PARD3B: variants seen among roughly 807,000 people sequenced by gnomAD.
The protein encoded by PARD3B is partitioning defective 3 homolog B.
In PARD3B, 103 loss-of-function variants were observed where a neutral mutation model predicts 130.2. The ratio of observed to expected loss-of-function variants is 0.79; its 90% CI spans 0.67 to 0.93. The LOEUF is 0.93. Ranked by LOEUF, PARD3B falls within the 40% of genes least tolerant of loss-of-function variation. PARD3B has a pLI of 0.00. For missense variants in PARD3B, 1,609 were observed against 1,499.2 expected (o/e 1.07, Z -1.21); for synonymous variants, 583 against 553.2 (o/e 1.05, Z -0.76).
intron 2 of PARD3B, among the ~76,000 whole-genome samples, chr2:204,766,995 T>TTTTTTTTA (rs1378268218): frequency 3.6e-5 from 5 of 137,378 alleles, no homozygotes; most frequent in African/African-American, 1.4e-4. Flanking sequence ...TTTTTTATTT[T>TTTTTTTTA]ATTTTTTTAT....
At chr2:204,718,275 C>G (rs1416426298) in intron 2 of PARD3B, among the ~76,000 whole-genome samples, 1 of 151,926 alleles carries the variant, frequency 6.6e-6, no homozygotes, top group Non-Finnish European at 1.5e-5. Flanking sequence ...CTGCATTAGT[C>G]TGTTCTCACA....
At chr2:205,066,559 G>A (rs1317790249) in intron 4 of PARD3B, among the ~76,000 whole-genome samples, 1 of 152,124 alleles carries the variant, frequency 6.6e-6, no homozygotes, top group African/African-American at 2.4e-5. Context: ...GTGTGGTCTT[G>A]GAGAAGTTAC....
intron 1 of PARD3B, among the ~76,000 whole-genome samples, chr2:204,563,217 G>GTCTGTCTGTCTC (rs1553541986): frequency 1.2e-5 from 1 of 86,598 alleles, no homozygotes; most frequent in African/African-American, 4.5e-5. Flanking sequence ...TCTTCCCGCT[G>GTCTGTCTGTCTC]TCTCTCTCTC....
At position 205,301,760 on chromosome 2, in the gene PARD3B, C is replaced by T. The variant is rs1218890554; in HGVS notation, c.2630+59C>T. The T allele has an allele frequency of 1.9e-6, 3 of 1,613,868 alleles. No homozygotes were observed. Among genetic ancestry groups the T allele is most frequent in the Non-Finnish European group, 1.7e-6 (2 of 1,179,864 alleles). On this transcript the variant is annotated intron_variant, in intron 18 of 22. Coordinates refer to ENST00000406610, the MANE Select transcript of PARD3B (RefSeq NM_001302769.2). This position sits in a 1 kb window ranked among gnomAD's most constrained non-coding sequence, Gnocchi z 5.2. ...CATTTTGTCTCTCCTGGTAAAATCACTCCTTTGTCTGTACTCAGAAAAAAG... is the reference window on the plus strand; with the variant it reads ...CATTTTGTCTCTCCTGGTAAAATCATTCCTTTGTCTGTACTCAGAAAAAAG...
At chr2:205,496,729 A>G (rs2049939356) in intron 20 of PARD3B, among the ~76,000 whole-genome samples, 1 of 152,140 alleles carries the variant, frequency 6.6e-6, no homozygotes, top group South Asian at 2.1e-4. Flanking sequence ...ATGGAAGAAT[A>G]GTTTACAGTC....
At chr2:204,746,857 T>A (rs539262632) in intron 2 of PARD3B, among the ~76,000 whole-genome samples, 7 of 152,268 alleles carry the variant, frequency 4.6e-5, no homozygotes, top group South Asian at 2.1e-4. Context: ...GTTTGAGTTC[T>A]TTGTAGATTC....
chr2:205,166,662 G>GA (rs1458625450), intron 11 of PARD3B, among the ~76,000 whole-genome samples: 2 of 151,836 alleles, frequency 1.3e-5, no homozygotes, highest in African/African-American at 4.8e-5. Context: ...TTTTTGGGGG[G>GA]TTTGATTTGT....
chr2:204,943,971 A>ACAT lies in PARD3B; in HGVS notation c.223-21178_223-21176dup. Among the ~76,000 whole-genome samples, 1 of 152,360 alleles carries ACAT rather than the reference A, an allele frequency of 6.6e-6. No homozygotes were observed. Among genetic ancestry groups the ACAT allele is most frequent in the East Asian group, 1.9e-4 (1 of 5,188 alleles). ...AAAAGGGGACTAAACATTCAAAATT[A>ACAT]CATCACCTCAGGGAAACTAAGTTAA... On this transcript the variant is annotated intron_variant, in intron 2 of 22. Transcript: ENST00000406610. The surrounding 1 kb of genome is among the most constrained non-coding windows in gnomAD (Gnocchi z 4.2).
chr2:205,520,657 G>A (rs903533961), intron 21 of PARD3B, among the ~76,000 whole-genome samples: 1 of 151,968 alleles, frequency 6.6e-6, no homozygotes, highest in African/African-American at 2.4e-5. Context: ...AATGAACACT[G>A]TTTATGCTTT....
At chr2:205,249,372 G>A (rs562215215) in intron 16 of PARD3B, among the ~76,000 whole-genome samples, 2 of 152,094 alleles carry the variant, frequency 1.3e-5, no homozygotes, top group South Asian at 2.1e-4. Context: ...ATTCATCTGA[G>A]TTAAAATTTC....
At chr2:204,591,043 AAGCACAGGTTG>A (rs1176352758) in intron 1 of PARD3B, among the ~76,000 whole-genome samples, 1 of 152,210 alleles carries the variant, frequency 6.6e-6, no homozygotes, top group Non-Finnish European at 1.5e-5. Flanking sequence ...TTTTAATAAT[AAGCACAGGTTG>A]ATTGCCTACT....
At chr2:204,716,956 T>C (rs1476060418) in intron 2 of PARD3B, among the ~76,000 whole-genome samples, 1 of 152,158 alleles carries the variant, frequency 6.6e-6, no homozygotes, top group Non-Finnish European at 1.5e-5. Context: ...AATAACGTGC[T>C]GTGGAAGAAG....
At chr2:204,703,513 T>C (rs964542049) in intron 2 of PARD3B, among the ~76,000 whole-genome samples, 1 of 152,208 alleles carries the variant, frequency 6.6e-6, no homozygotes, top group South Asian at 2.1e-4. Context: ...TTTTATGAAA[T>C]GTTTTAATTT....
chr2:204,957,875 C>G (rs761219589), intron 2 of PARD3B, among the ~76,000 whole-genome samples: 1 of 152,044 alleles, frequency 6.6e-6, no homozygotes, highest in Non-Finnish European at 1.5e-5. Context: ...AGATTTGAGA[C>G]AAACGATTCC....
In PARD3B at chr2:204,883,454, TA is replaced by T. The variant is rs1276586996; in HGVS notation, c.223-81697del. On this transcript the variant is annotated intron_variant, in intron 2 of 22. Coordinates refer to ENST00000406610, the MANE Select transcript of PARD3B (RefSeq NM_001302769.2). ...TATAAAATATATATATATATATATA[TA>T]TTTTTTTTTTTGAGACAGAGTCTCA... Among the ~76,000 whole-genome samples, 828 of 99,386 alleles carry T rather than the reference TA, an allele frequency of 8.3e-3. 22 individuals are homozygous for T. Among genetic ancestry groups the T allele is most frequent in the African/African-American group, 0.021 (350 of 16,408 alleles). The allele number at this position is 99,386 out of a possible 152,430, so 65.2% of individuals were successfully genotyped here.
intron 15 of PARD3B, among the ~76,000 whole-genome samples, chr2:205,210,728 T>A (rs1167028079): frequency 1.3e-5 from 2 of 152,090 alleles, no homozygotes; most frequent in African/African-American, 4.8e-5. Flanking sequence ...CATTTTTTTT[T>A]CATTTTTGCC....
intron 16 of PARD3B, among the ~76,000 whole-genome samples, chr2:205,260,378 T>G (rs1319481017): frequency 1.3e-5 from 2 of 152,156 alleles, no homozygotes; most frequent in Non-Finnish European, 2.9e-5. Context: ...GGAATAGGGA[T>G]GTACAACCTG....
At chr2:205,490,400 T>G (rs79651645) in intron 20 of PARD3B, among the ~76,000 whole-genome samples, 21,095 of 152,060 alleles carry the variant, frequency 0.14, 1,965 homozygotes, top group Middle Eastern at 0.24. Context: ...TGCTGAGAAT[T>G]ATGGTTTCCA....
intron 20 of PARD3B, among the ~76,000 whole-genome samples, chr2:205,490,496 C>G (rs921369706): frequency 1.7e-4 from 26 of 152,180 alleles, no homozygotes; most frequent in African/African-American, 6.0e-4. Flanking sequence ...GCCACATTTT[C>G]TTAATCCAGT....
Sources: allele counts gnomAD v4.1 joint callset (sites outside exome capture counted in the v4.1 genomes callset), GRCh38; gene constraint gnomAD v4.1.1; non-coding constraint Gnocchi (gnomAD v3.1); transcripts MANE v1.5; gene names NCBI Gene and HGNC (gene_info 2026-07-23, HGNC 2026-07-21).